Variants in MYO5C observed in about 807,000 individuals in gnomAD.
The protein encoded by MYO5C is myosin VC, also known as unconventional myosin-Vc.
In MYO5C, 194 loss-of-function variants were observed where a neutral mutation model predicts 235.7. The observed-to-expected ratio is 0.82, with a 90% CI of 0.73 to 0.93. The LOEUF (loss-of-function observed/expected upper bound fraction) is 0.93, where lower values mean the gene tolerates loss of function less well. MYO5C is among the 40% of genes least tolerant of loss of function. The pLI is 0.00. For missense variants in MYO5C, 2,038 were observed against 2,127.2 expected (o/e 0.96, Z 0.82); for synonymous variants, 707 against 754.8 (o/e 0.94, Z 1.04).
At chr15:52,286,647 C>T (rs886783154) in intron 1 of MYO5C, among the ~76,000 whole-genome samples, 1 of 152,126 alleles carries the variant, frequency 6.6e-6, no homozygotes, top group Non-Finnish European at 1.5e-5. Context: ...TTGCCCCCAA[C>T]CCTGTGCTCT....
intron 35 of MYO5C, among the ~76,000 whole-genome samples, 165 bp downstream of exon 35, chr15:52,211,565 T>G (rs1174416767): frequency 6.6e-6 from 1 of 152,178 alleles, no homozygotes; most frequent in Non-Finnish European, 1.5e-5. Flanking sequence ...GCTCATCCAT[T>G]TATCTTTCCC....
chr15:52,224,442 C>T (rs1391169967), intron 28 of MYO5C, among the ~76,000 whole-genome samples: 1 of 152,106 alleles, frequency 6.6e-6, no homozygotes. Context: ...GTTCACCAGT[C>T]ATAGTAAACA....
intron 2 of MYO5C, 96 bp from the exon 3 acceptor site, chr15:52,279,770 A>G (rs2037128460): frequency 4.2e-6 from 5 of 1,180,998 alleles, no homozygotes; most frequent in Non-Finnish European, 5.9e-6. Flanking sequence ...CCTCCATCAG[A>G]GTCATCACTG....
At position 52,239,841 on chromosome 15, in the gene MYO5C, GT is replaced by G; in HGVS notation, c.2594del (p.Tyr865SerfsTer48). ...EEHKAVILQK[Y>X]ARAWLARRRF... Reference sequence around the variant, plus strand: ...TGCGTCTGGCCAGCCACGCCCGTGCGTATTTCTGTAGGATCACAGCCTTATG... The same window carrying G: ...TGCGTCTGGCCAGCCACGCCCGTGCGATTTCTGTAGGATCACAGCCTTATG... On this transcript the variant is annotated frameshift_variant, in exon 21 of 41. Transcript: ENST00000261839. LOFTEE classifies it high-confidence loss of function. 6.2e-7 allele frequency: 1 copy of G among 1,613,584 alleles called. No individual in the cohort carries two copies.
intron 32 of MYO5C, 106 bp downstream of exon 32, chr15:52,218,413 A>T: frequency 9.0e-7 from 1 of 1,114,370 alleles, no homozygotes; most frequent in Non-Finnish European, 1.3e-6. Flanking sequence ...TGATGGAAGG[A>T]CTTTTGGTCT....
intron 21 of MYO5C, among the ~76,000 whole-genome samples, chr15:52,238,805 C>G (rs1376316948): frequency 6.6e-6 from 1 of 151,666 alleles, no homozygotes; most frequent in Non-Finnish European, 1.5e-5. Context: ...CCACGCCCGG[C>G]TAATTTTTTG....
intron 35 of MYO5C, among the ~76,000 whole-genome samples, chr15:52,209,384 AAG>A (rs779880200): frequency 2.0e-5 from 3 of 152,122 alleles, no homozygotes; most frequent in African/African-American, 7.2e-5. Flanking sequence ...AGGAGTGACA[AAG>A]AGAATTGGTG....
chr15:52,279,735 A>C (rs1205315432), intron 2 of MYO5C, 61 bp from the exon 3 acceptor site: 4 of 1,521,746 alleles, frequency 2.6e-6, no homozygotes, highest in Non-Finnish European at 1.8e-6. Context: ...TTTCTGTTGA[A>C]GCACTGTCCT....
chr15:52,245,066 T>C (rs2141324765), intron 18 of MYO5C, among the ~76,000 whole-genome samples: 1 of 152,320 alleles, frequency 6.6e-6, no homozygotes, highest in Middle Eastern at 3.4e-3. Context: ...GTTGACCATA[T>C]CCTATAAGCC....
intron 13 of MYO5C, among the ~76,000 whole-genome samples, chr15:52,250,234 TTC>T (rs2036441454): frequency 9.1e-6 from 1 of 109,924 alleles, no homozygotes; most frequent in South Asian, 3.6e-4. Flanking sequence ...TCTTTTTTTT[TTC>T]TTTTTCTTTT....
chr15:52,250,629 A>T (rs553198259), intron 13 of MYO5C, among the ~76,000 whole-genome samples: 1 of 152,234 alleles, frequency 6.6e-6, no homozygotes, highest in South Asian at 2.1e-4. Context: ...TCCCTCCACC[A>T]TCAGTCACTC....
chr15:52,274,721 G>A (rs969456172), intron 5 of MYO5C, among the ~76,000 whole-genome samples: 2 of 145,484 alleles, frequency 1.4e-5, no homozygotes, highest in East Asian at 4.6e-4. Flanking sequence ...TCTTACATTA[G>A]GTTAGAAGAA....
chr15:52,251,474 A>T lies in MYO5C; in HGVS notation c.1578T>A (p.Tyr526Ter), dbSNP rs2036471895. ...AAGGGTTCCTGTTGACAAAATTATTATACAGCTTTTGAAGCCAGTTTTCAT... is the reference window on the plus strand; with the variant it reads ...AAGGGTTCCTGTTGACAAAATTATTTTACAGCTTTTGAAGCCAGTTTTCAT... ...GTDENWLQKL[Y>*]NNFVNRNPLF... Residue 526 changes from tyrosine (Y) to a stop codon, truncating the protein, a stop_gained, in exon 13 of 41, where the codon TAT becomes TAA. Transcript: ENST00000261839. LOFTEE classifies it high-confidence loss of function. 1 of 1,607,406 alleles carries T rather than the reference A, an allele frequency of 6.2e-7. No homozygotes were observed. Among genetic ancestry groups the T allele is most frequent in the African/African-American group, 1.3e-5 (1 of 74,668 alleles).
rs371946722 is a variant in MYO5C at position 52,204,977 on chromosome 15, C to T, written c.4708G>A (p.Glu1570Lys). The change falls in exon 38 of 41, where the codon GAG becomes AAG. Residue 1570 changes from glutamate to lysine, a missense_variant. Glu to Lys is a moderately conservative substitution (Grantham distance 56). Transcript: ENST00000261839. ...TGCTTCACCGCCTGCCTCACAAGCT[C>T]GGGGTCCAGGCCGTTCTGGCACATG... ...TTMCQNGLDP[E>K]LVRQAVKQLF... 5.0e-6 allele frequency: 8 copies of T among 1,614,124 alleles called. No homozygotes were observed. Among genetic ancestry groups the T allele is most frequent in the African/African-American group, 2.7e-5 (2 of 74,958 alleles).
intron 2 of MYO5C, among the ~76,000 whole-genome samples, chr15:52,280,535 C>T (rs891237872): frequency 3.3e-5 from 5 of 152,184 alleles, no homozygotes; most frequent in African/African-American, 9.7e-5. Flanking sequence ...CCAACTAAAG[C>T]GACTTGAGCA....
At chr15:52,222,601 A>AGTGGTGGGGACACACGACAGAATGGG (rs574841584) in intron 29 of MYO5C, among the ~76,000 whole-genome samples, 228 of 150,814 alleles carry the variant, frequency 1.5e-3, no homozygotes, top group African/African-American at 5.4e-3. Context: ...AGAGTCAGCC[A>AGTGGTGGGGACACACGACAGAATGGG]GTGGTGGGGA....
intron 4 of MYO5C, 124 bp downstream of exon 4, chr15:52,278,749 G>T: frequency 2.6e-6 from 3 of 1,141,090 alleles, no homozygotes; most frequent in Non-Finnish European, 2.5e-6. Context: ...GCTCAACAAA[G>T]CACCACCTCT....
intron 1 of MYO5C, among the ~76,000 whole-genome samples, chr15:52,285,574 A>C (rs941229375): frequency 2.0e-5 from 3 of 152,100 alleles, no homozygotes; most frequent in Non-Finnish European, 4.4e-5. Context: ...GGCTCACTGC[A>C]ACCTCCCTGC....
At chr15:52,251,232 G>A (rs115063923) in intron 13 of MYO5C, 158 bp downstream of exon 13, 10 of 566,478 alleles carry the variant, frequency 1.8e-5, no homozygotes, top group Admixed American at 1.3e-4. Context: ...CATGTATCTC[G>A]CCACAAAAAC....
Sources: gnomAD v4.1 joint callset for allele counts (sites outside exome capture counted in the v4.1 genomes callset) on GRCh38, gnomAD v4.1.1 for gene constraint, MANE v1.5 for transcripts, NCBI Gene and HGNC (gene_info 2026-07-23, HGNC 2026-07-21) for gene names.